VPS35L: variants seen among roughly 807,000 people sequenced by gnomAD.
VPS35L encodes VPS35 endosomal protein-sorting factor-like.
Under a neutral mutation model 133.0 loss-of-function variants are expected in VPS35L, and 83 were observed. The ratio of observed to expected loss-of-function variants is 0.62; its 90% CI spans 0.52 to 0.75. The LOEUF is 0.75. Ranked by LOEUF, VPS35L falls within the 30% of genes least tolerant of loss-of-function variation. The pLI is 0.00. For missense variants in VPS35L, 1,083 were observed against 1,206.8 expected, an observed-to-expected ratio of 0.90 and a Z score of 1.52; for synonymous variants, 423 against 449.9, an observed-to-expected ratio of 0.94 and a Z score of 0.76.
chr16:19,572,423 T>C (rs1259999075), intron 3 of VPS35L, among the ~76,000 whole-genome samples: 1 of 152,046 alleles, frequency 6.6e-6, no homozygotes, highest in East Asian at 1.9e-4. Flanking sequence ...ATCTCTTTGC[T>C]GGCATAAGGC....
chr16:19,689,689 G>C (rs1264128630), intron 28 of VPS35L, among the ~76,000 whole-genome samples: 1 of 152,076 alleles, frequency 6.6e-6, no homozygotes, highest in Non-Finnish European at 1.5e-5. Context: ...TGAATAGGGT[G>C]ATAAAATTTC....
intron 29 of VPS35L, among the ~76,000 whole-genome samples, chr16:19,693,558 A>G (rs1975781013): frequency 6.6e-6 from 1 of 152,106 alleles, no homozygotes; most frequent in Non-Finnish European, 1.5e-5. Context: ...AGGTGGGCGG[A>G]TCACTTGAGG....
chr16:19,586,292 G>T (rs73533709), intron 7 of VPS35L, among the ~76,000 whole-genome samples: 2 of 151,928 alleles, frequency 1.3e-5, no homozygotes, highest in Non-Finnish European at 2.9e-5. Context: ...TTTCATAATT[G>T]TGTCTTTGAA....
At chr16:19,601,593 TTAAC>T (rs1972385629) in intron 8 of VPS35L, 67 bp from the exon 9 acceptor site, 1 of 1,484,532 alleles carries the variant, frequency 6.7e-7, no homozygotes, top group Non-Finnish European at 9.3e-7. Context: ...GGGTCCCTAA[TTAAC>T]AAACATTTAT....
At chr16:19,617,801 A>T (rs2151554746) in intron 14 of VPS35L, 1 of 153,120 alleles carries the variant, frequency 6.5e-6, no homozygotes, top group African/African-American at 2.4e-5. Context: ...GTTCAAGACC[A>T]GCCTGGCTAA....
intron 23 of VPS35L, among the ~76,000 whole-genome samples, chr16:19,646,865 C>A (rs181707619): frequency 6.6e-5 from 10 of 152,208 alleles, no homozygotes; most frequent in Admixed American, 6.5e-4. Context: ...GGGAACATCC[C>A]ACCATTATAC....
At chr16:19,690,705 C>T (rs1975639017) in intron 28 of VPS35L, among the ~76,000 whole-genome samples, 1 of 152,120 alleles carries the variant, frequency 6.6e-6, no homozygotes, top group Non-Finnish European at 1.5e-5. Flanking sequence ...AATCCCAGCA[C>T]TTTGGGAGGC....
chr16:19,592,094 A>G (rs1172879163), intron 8 of VPS35L, among the ~76,000 whole-genome samples: 1 of 148,666 alleles, frequency 6.7e-6, no homozygotes, highest in African/African-American at 2.5e-5. Context: ...TTTTTTTTTG[A>G]GTCAGGGTCT....
chr16:19,582,832 A>G (rs1971750988), intron 7 of VPS35L, among the ~76,000 whole-genome samples: 2 of 152,198 alleles, frequency 1.3e-5, no homozygotes, highest in Admixed American at 1.3e-4. Flanking sequence ...GGCTAATAGT[A>G]ACGATTCAAC....
At chr16:19,666,713 A>G (rs893756180) in intron 26 of VPS35L, among the ~76,000 whole-genome samples, 2 of 152,242 alleles carry the variant, frequency 1.3e-5, no homozygotes, top group South Asian at 4.1e-4. Flanking sequence ...ATAGAAAAAA[A>G]TGGTCTTTCA....
intron 1 of VPS35L, among the ~76,000 whole-genome samples, 191 bp from the exon 2 acceptor site, chr16:19,564,660 A>G (rs186255961): frequency 6.6e-6 from 1 of 152,310 alleles, no homozygotes; most frequent in African/African-American, 2.4e-5. Context: ...AGGCTGCCCA[A>G]ATTGCTGGGA....
intron 8 of VPS35L, among the ~76,000 whole-genome samples, chr16:19,597,616 G>A (rs1459420204): frequency 6.6e-6 from 1 of 152,190 alleles, no homozygotes; most frequent in East Asian, 1.9e-4. Flanking sequence ...TTCACACAGA[G>A]TAGCTGCTTT....
At position 19,566,132 on chromosome 16, in the gene VPS35L, T is replaced by C. The variant is rs575441835; in HGVS notation, c.117+1182T>C. ...AGGACCCCTTCAATCCCCATGCTGT[T>C]GTGTGGCTGTGGGTGACCTCAGCAC... On this transcript the variant is annotated intron_variant, in intron 2 of 30. Coordinates refer to ENST00000417362, the MANE Select transcript of VPS35L (RefSeq NM_020314.7). Among the ~76,000 whole-genome samples the C allele has an allele frequency of 3.3e-5, 5 of 152,256 alleles. No homozygotes were observed. In the South Asian group the frequency reaches 1.0e-3, roughly 32 times the overall value.
chr16:19,614,293 A>T (rs1262307501), intron 12 of VPS35L, among the ~76,000 whole-genome samples: 1 of 152,218 alleles, frequency 6.6e-6, no homozygotes, highest in Non-Finnish European at 1.5e-5. Flanking sequence ...TGTACCCAGC[A>T]ATCACAGAGC....
rs1971570397 is a variant in VPS35L, at chr16:19,577,347, T to A, written c.434-1705T>A. Among the ~76,000 whole-genome samples, 5 of 152,254 alleles carry A rather than the reference T, an allele frequency of 3.3e-5. 1 individual carries two copies. The highest frequency in any genetic ancestry group is 9.6e-5 in the African/African-American group (4 of 41,558). On this transcript the variant is annotated intron_variant, in intron 5 of 30. Coordinates refer to ENST00000417362, the MANE Select transcript of VPS35L (RefSeq NM_020314.7). Reference sequence around the variant, plus strand: ...CCAGGCTTTTTTCAACAGCCAGTTCTCATGGGAAGTAAGAATAACTCATTA... The same window carrying A: ...CCAGGCTTTTTTCAACAGCCAGTTCACATGGGAAGTAAGAATAACTCATTA...
At chr16:19,663,413 T>C (rs1974552402) in intron 26 of VPS35L, among the ~76,000 whole-genome samples, 1 of 152,192 alleles carries the variant, frequency 6.6e-6, no homozygotes, top group Admixed American at 6.5e-5. Context: ...TTGGCATTTA[T>C]CTTGCCTGAC....
rs748328502 is a variant in VPS35L at position 19,573,195 on chromosome 16, G to A, written c.362G>A (p.Arg121Gln). 28 of 1,613,776 alleles carry A rather than the reference G, an allele frequency of 1.7e-5. No individual in the cohort carries two copies. In the East Asian group the frequency reaches 2.2e-4, roughly 13 times the overall value. ...GATTTTGAGCCTTGGACCAACAAAC[G>A]GGGAGAAATCCTTGCCCGGTACACC... ...GSDFEPWTNK[R>Q]GEILARYTTT... The change falls in exon 4 of 31, where the codon CGG becomes CAG. Residue 121 changes from arginine (R) to glutamine (Q), a missense_variant. Physicochemically the swap from Arg to Gln is conservative, Grantham distance 43 (BLOSUM62 1). Transcript: ENST00000417362.
chr16:19,623,277 T>C (rs1973142161), intron 14 of VPS35L, among the ~76,000 whole-genome samples: 1 of 152,176 alleles, frequency 6.6e-6, no homozygotes, highest in African/African-American at 2.4e-5. Context: ...GAGACCAAGA[T>C]CAAGGGGCCA....
chr16:19,643,110 T>A (rs1973835493), intron 22 of VPS35L, among the ~76,000 whole-genome samples: 1 of 152,124 alleles, frequency 6.6e-6, no homozygotes, highest in South Asian at 2.1e-4. Flanking sequence ...CAAGATGAAC[T>A]GTATTTCTTC....
Sources: allele counts gnomAD v4.1 joint callset (sites outside exome capture counted in the v4.1 genomes callset), GRCh38; gene constraint gnomAD v4.1.1; transcripts MANE v1.5; gene names NCBI Gene and HGNC (gene_info 2026-07-23, HGNC 2026-07-21).